SNRK: variants seen among roughly 807,000 people sequenced by gnomAD.
SNRK encodes SNF-related serine/threonine-protein kinase.
Under a neutral mutation model 48.2 loss-of-function variants are expected in SNRK, and 3 were observed. The observed-to-expected ratio is 0.06, with a 90% CI of 0.03 to 0.16. SNRK has a LOEUF of 0.16. Among genes scored for constraint, SNRK ranks in the 10% least tolerant of loss-of-function variants. SNRK has a pLI of 1.00. For synonymous variants in SNRK, 376 were observed against 366.1 expected (o/e 1.03, Z -0.31); for missense variants, 627 against 976.0 (o/e 0.64, Z 4.76).
At chr3:43,308,191 A>G (rs974410409) in intron 3 of SNRK, among the ~76,000 whole-genome samples, 1 of 152,260 alleles carries the variant, frequency 6.6e-6, no homozygotes, top group African/African-American at 2.4e-5. Context: ...GTTTAAGGAA[A>G]GAAGCCATCT....
intron 5 of SNRK, among the ~76,000 whole-genome samples, chr3:43,342,394 AT>A (rs2091244252): frequency 6.6e-6 from 1 of 152,198 alleles, no homozygotes; most frequent in African/African-American, 2.4e-5. Context: ...CAACTCCTGT[AT>A]TTAGTACTTG....
chr3:43,308,761 C>T (rs1303147857), intron 3 of SNRK, among the ~76,000 whole-genome samples: 1 of 152,226 alleles, frequency 6.6e-6, no homozygotes, highest in Non-Finnish European at 1.5e-5. Flanking sequence ...ATCCATTCTG[C>T]AGCCCGTGGA....
intron 3 of SNRK, among the ~76,000 whole-genome samples, chr3:43,325,320 C>T (rs748345651): frequency 3.3e-5 from 5 of 152,164 alleles, no homozygotes; most frequent in East Asian, 1.9e-4. Flanking sequence ...TGCCCGCCAC[C>T]GCGCCCGGCT....
chr3:43,323,495 A>G (rs1384111579), intron 3 of SNRK, among the ~76,000 whole-genome samples: 1 of 152,260 alleles, frequency 6.6e-6, no homozygotes, highest in Non-Finnish European at 1.5e-5. Context: ...TGAAATGCTC[A>G]TACATTTCTG....
rs2091314600 is a variant in SNRK, at chr3:43,350,453, G to T, written c.*1896G>T. On this transcript the variant is annotated 3_prime_UTR_variant, in exon 7 of 7. Transcript: ENST00000296088. ...TGTGATTATGTATAGCCTTGGAATG[G>T]CACCTTTTAACTAACCCATATGTGT... 6.6e-6 allele frequency: 1 copy of T among 152,598 alleles called. No homozygotes were observed. The highest frequency in any genetic ancestry group is 1.5e-5 in the Non-Finnish European group (1 of 68,038). 9.5% of individuals were successfully genotyped at this position (152,598 alleles called of 1,614,324 possible).
intron 4 of SNRK, among the ~76,000 whole-genome samples, chr3:43,336,748 T>TTTTTTG (rs112892745): frequency 6.6e-6 from 1 of 151,712 alleles, no homozygotes; most frequent in Admixed American, 6.6e-5. Flanking sequence ...TTTGTTTGTT[T>TTTTTTG]GTTTTGGTTT....
At position 43,348,235 on chromosome 3, in the gene SNRK, A is replaced by G. The variant is rs1164602685; in HGVS notation, c.1976A>G (p.His659Arg). 1.2e-5 allele frequency: 19 copies of G among 1,613,534 alleles called. No homozygotes were observed. Among genetic ancestry groups the G allele is most frequent in the East Asian group, 2.2e-5 (1 of 44,880 alleles). ...LMSLCLGSQLHGSTKYIIDPQ... is the reference protein window; with the variant it reads ...LMSLCLGSQLRGSTKYIIDPQ... The stretch of plus-strand genomic sequence containing the variant: ...AGCCTCTGCCTCGGCTCCCAGCTTC[A>G]TGGGAGCACCAAGTACATTATTGAT... Residue 659 changes from histidine (H) to arginine (R), a missense_variant, in exon 7 of 7, where the codon CAT (histidine) becomes CGT (arginine). Around this residue, in one of 4 missense-constraint regions of SNRK, gnomAD observed 207 missense variants for 234.3 expected, o/e 0.88. Transcript: ENST00000296088.
At chr3:43,317,411 A>G (rs2091021832) in intron 3 of SNRK, among the ~76,000 whole-genome samples, 1 of 152,174 alleles carries the variant, frequency 6.6e-6, no homozygotes, top group Admixed American at 6.5e-5. Flanking sequence ...GGGTCAGCAG[A>G]CTGAGGTAGC....
chr3:43,324,508 CAAA>C (rs11299310), intron 3 of SNRK, among the ~76,000 whole-genome samples: 20 of 96,450 alleles, frequency 2.1e-4, no homozygotes, highest in African/African-American at 2.0e-4. Flanking sequence ...GACTCTGTCT[CAAA>C]AAAAAAAAAA....
intron 3 of SNRK, among the ~76,000 whole-genome samples, chr3:43,330,006 G>A (rs556021704): frequency 4.1e-4 from 62 of 152,272 alleles, no homozygotes; most frequent in African/African-American, 1.4e-3. Flanking sequence ...TTTATGTACA[G>A]TTATAGTATG....
At chr3:43,310,277 G>C (rs2090970228) in intron 3 of SNRK, among the ~76,000 whole-genome samples, 2 of 151,682 alleles carry the variant, frequency 1.3e-5, no homozygotes, top group East Asian at 3.9e-4. Flanking sequence ...CCCATATTTT[G>C]TTAAATTATT....
chr3:43,303,595 A>T lies in SNRK; in HGVS notation c.392A>T (p.His131Leu). 1 of 1,614,184 alleles carries T rather than the reference A, an allele frequency of 6.2e-7. No individual in the cohort carries two copies. The highest frequency in any genetic ancestry group is 8.5e-7 in the Non-Finnish European group (1 of 1,180,018). The change falls in exon 3 of 7, where the codon CAT becomes CTT. Residue 131 changes from histidine to leucine, a missense_variant. Physicochemically the swap from His to Leu is moderately conservative, Grantham distance 99. This residue lies in a region of SNRK where 147 missense variants were observed against 356.8 expected (regional missense o/e 0.41). Transcript: ENST00000296088. This position sits in a 1 kb window ranked among gnomAD's most constrained non-coding sequence, Gnocchi z 6.2. Reference sequence around the variant, plus strand: ...ATAGTTCATGCTATATCTTATTGCCATAAACTCCATGTGGTTCACAGAGAC... The same window carrying T: ...ATAGTTCATGCTATATCTTATTGCCTTAAACTCCATGTGGTTCACAGAGAC... ...AQIVHAISYCHKLHVVHRDLK... is the reference protein window; with the variant it reads ...AQIVHAISYCLKLHVVHRDLK...
chr3:43,343,051 ATC>A (rs1553636054), intron 5 of SNRK, among the ~76,000 whole-genome samples: 1 of 151,664 alleles, frequency 6.6e-6, no homozygotes, highest in Admixed American at 6.6e-5. Context: ...GCGTGCACTT[ATC>A]TTATGTGTCT....
intron 3 of SNRK, among the ~76,000 whole-genome samples, chr3:43,322,248 G>T (rs911730465): frequency 5.9e-5 from 9 of 152,210 alleles, no homozygotes; most frequent in African/African-American, 2.2e-4. Flanking sequence ...ATTTGGAGAA[G>T]AAATGATTGA....
Position 43,303,100 on chromosome 3 carries a change from A to G in SNRK, c.-104A>G, listed in dbSNP as rs780495829. On this transcript the variant is annotated splice_region_variant and 5_prime_UTR_variant, in exon 3 of 7. In the 5' UTR this introduces an upstream ATG that the reference lacks. Coordinates refer to ENST00000296088, the MANE Select transcript of SNRK (RefSeq NM_017719.5). The surrounding 1 kb of genome is among the most constrained non-coding windows in gnomAD (Gnocchi z 6.2). ...TTGTTTCTCTTCTTATTTTGTAGAT[A>G]TCCATGACGACATTGAAAATGAATT... 112 of 709,878 alleles carry G rather than the reference A, an allele frequency of 1.6e-4. No individual in the cohort carries two copies. Among genetic ancestry groups the G allele is most frequent in the Non-Finnish European group, 2.4e-4 (106 of 450,554 alleles). 44.0% of individuals were successfully genotyped at this position (709,878 alleles called of 1,614,324 possible).
intron 3 of SNRK, among the ~76,000 whole-genome samples, chr3:43,305,138 A>G (rs1283929995): frequency 6.6e-6 from 1 of 152,218 alleles, no homozygotes; most frequent in Non-Finnish European, 1.5e-5. Context: ...AACTGAAGTC[A>G]GACAAAACTA....
In SNRK at chr3:43,340,489, G is replaced by A. The variant is rs917888418; in HGVS notation, c.934G>A (p.Ala312Thr). ...GCTTGGGGACATAGCGGATCGAGACGCCATTGTAGAGTACGTCAATGCCCG... is the reference window on the plus strand; with the variant it reads ...GCTTGGGGACATAGCGGATCGAGACACCATTGTAGAGTACGTCAATGCCCG... Reference protein sequence around the residue: ...MVLGDIADRDAIVEALETNRY... With the variant: ...MVLGDIADRDTIVEALETNRY... The change falls in exon 5 of 7, where the codon GCC (alanine) becomes ACC (threonine). Residue 312 changes from alanine to threonine, a missense_variant. Ala to Thr is a moderately conservative substitution (Grantham distance 58). Transcript: ENST00000296088. 1.1e-5 allele frequency: 17 copies of A among 1,613,922 alleles called. No individual in the cohort carries two copies. Among genetic ancestry groups the A allele is most frequent in the South Asian group, 2.2e-5 (2 of 91,082 alleles).
At chr3:43,299,056 C>T (rs1213555174) in intron 1 of SNRK, among the ~76,000 whole-genome samples, 2 of 152,166 alleles carry the variant, frequency 1.3e-5, no homozygotes, top group South Asian at 2.1e-4. Context: ...GAGACTGCTG[C>T]TTCACAGGCA....
chr3:43,324,393 C>T lies in SNRK; in HGVS notation c.590-7776C>T, dbSNP rs537069244. Among the ~76,000 whole-genome samples the T allele has an allele frequency of 7.5e-4, 114 of 152,032 alleles. 1 individual carries two copies. The highest frequency in any genetic ancestry group is 2.6e-3 in the African/African-American group (107 of 41,482). ...GCCTGGTGGCACATGCCTGTGGTTC[C>T]GGCTACTCCGGAGGCTGAGGCAGAA... is the stretch of plus-strand genomic sequence containing the variant. On this transcript the variant is annotated intron_variant, in intron 3 of 6. Transcript: ENST00000296088.
Sources: gnomAD v4.1 joint callset for allele counts (sites outside exome capture counted in the v4.1 genomes callset) on GRCh38, gnomAD v4.1.1 for gene constraint, gnomAD v4.1.1 regional missense constraint, Gnocchi (gnomAD v3.1) non-coding constraint, MANE v1.5 for transcripts, NCBI Gene and HGNC (gene_info 2026-07-23, HGNC 2026-07-21) for gene names.